CCDC124: variants seen among roughly 807,000 people sequenced by gnomAD.
CCDC124 encodes coiled-coil domain-containing protein 124.
A neutral mutation model predicts 19.8 loss-of-function variants in CCDC124; 9 were observed. That is an observed-to-expected ratio of 0.45 (90% CI 0.27 to 0.79). The LOEUF is 0.79. Among genes scored for constraint, CCDC124 ranks in the 30% least tolerant of loss-of-function variants. The pLI is 0.14. For synonymous variants in CCDC124, 126 were observed against 131.3 expected (o/e 0.96, Z 0.27); for missense variants, 285 against 319.0 (o/e 0.89, Z 0.81).
At position 17,938,889 on chromosome 19, in the gene CCDC124, A is replaced by C. The variant is rs570215628; in HGVS notation, c.159+2310A>C. On this transcript the variant is annotated intron_variant, in intron 2 of 4. Coordinates refer to ENST00000445755, the MANE Select transcript of CCDC124 (RefSeq NM_001136203.2). ...TGGGATTACAGGCATGAGCCACTGC[A>C]CCTGGCCTCCCATTGTCTTTCTGTG... Among the ~76,000 whole-genome samples the C allele has an allele frequency of 4.6e-5, 7 of 152,104 alleles. No homozygotes were observed. In the East Asian group the frequency reaches 1.4e-3, roughly 29 times the overall value.
chr19:17,937,847 C>T (rs898403539), intron 2 of CCDC124, among the ~76,000 whole-genome samples: 7 of 152,138 alleles, frequency 4.6e-5, no homozygotes, highest in Non-Finnish European at 8.8e-5. Context: ...GATTCTCCTG[C>T]CTCAGCCTCC....
intron 2 of CCDC124, chr19:17,937,083 C>G (rs1183696510): frequency 6.6e-6 from 1 of 151,894 alleles, no homozygotes; most frequent in East Asian, 1.9e-4. Context: ...GAGCTCAAGA[C>G]CAGCCTGGCC....
At chr19:17,933,535 G>A (rs1200055176) in intron 1 of CCDC124, among the ~76,000 whole-genome samples, 2 of 152,140 alleles carry the variant, frequency 1.3e-5, no homozygotes, top group African/African-American at 4.8e-5. Context: ...TGGGCTCCCA[G>A]CTCCTGCCAT....
At chr19:17,939,232 T>A (rs1467862558) in intron 2 of CCDC124, among the ~76,000 whole-genome samples, 2 of 151,816 alleles carry the variant, frequency 1.3e-5, no homozygotes, top group Non-Finnish European at 2.9e-5. Context: ...CCATCTCTGC[T>A]AAAAATAAAA....
chr19:17,934,068 A>C (rs2031006488), intron 1 of CCDC124, among the ~76,000 whole-genome samples: 1 of 149,044 alleles, frequency 6.7e-6, no homozygotes, highest in Admixed American at 6.6e-5. Context: ...TCACACCTGT[A>C]ATCCAGGCAC....
rs866892969 is a variant in CCDC124 at position 17,943,305 on chromosome 19, G to A, written c.394G>A (p.Val132Met). The stretch of plus-strand genomic sequence containing the variant: ...TCTGGAGGTGCCGCTGGAGGAGAAC[G>A]TGAACCGCCGCGTGCTGGAGGAGGG... ...SHLEVPLEEN[V>M]NRRVLEEGSV... Residue 132 changes from valine to methionine, a missense_variant, in exon 4 of 5, where the codon GTG becomes ATG. Physicochemically the swap from Val to Met is conservative, Grantham distance 21. Coordinates refer to ENST00000445755, the MANE Select transcript of CCDC124 (RefSeq NM_001136203.2). 6.7e-7 allele frequency: 1 copy of A among 1,499,290 alleles called. No homozygotes were observed. The allele number at this position is 1,499,290 out of a possible 1,614,324, so 92.9% of individuals were successfully genotyped here.
Position 17,943,241 on chromosome 19 carries a change from T to TCTGGGCCCCC in CCDC124, c.350-19_350-18insTGGGCCCCCC. 1.4e-6 allele frequency: 1 copy of TCTGGGCCCCC among 736,676 alleles called. No homozygotes were observed. Among genetic ancestry groups the TCTGGGCCCCC allele is most frequent in the Non-Finnish European group, 2.4e-6 (1 of 414,968 alleles). 45.6% of individuals were successfully genotyped at this position (736,676 alleles called of 1,614,324 possible). A position where few individuals can be genotyped will look rare whatever the true frequency, so the allele number is the denominator to read the frequency against. On this transcript the variant is annotated intron_variant, in intron 3 of 4. Transcript: ENST00000445755. ...CTTTGCTTATCTCTCTCTGTCTCTGTCACCCACCCACCCGCCCAGCCGAGA... is the reference window on the plus strand; with the variant it reads ...CTTTGCTTATCTCTCTCTGTCTCTGTCTGGGCCCCCCACCCACCCACCCGCCCAGCCGAGA...
At chr19:17,938,344 T>G (rs2031105922) in intron 2 of CCDC124, among the ~76,000 whole-genome samples, 1 of 152,122 alleles carries the variant, frequency 6.6e-6, no homozygotes, top group African/African-American at 2.4e-5. Context: ...TGACTCAAGA[T>G]GAATCAAAAA....
At chr19:17,940,998 G>A (rs1358342330) in intron 2 of CCDC124, among the ~76,000 whole-genome samples, 1 of 152,008 alleles carries the variant, frequency 6.6e-6, no homozygotes, top group East Asian at 1.9e-4. Flanking sequence ...AGTGAGCCGA[G>A]ATGGCGCCAC....
chr19:17,937,165 C>T (rs2031084941), intron 2 of CCDC124, among the ~76,000 whole-genome samples: 1 of 151,856 alleles, frequency 6.6e-6, no homozygotes, highest in Non-Finnish European at 1.5e-5. Flanking sequence ...CCTGTAATCC[C>T]AGCTACTCGG....
chr19:17,941,466 C>T (rs975638061), intron 2 of CCDC124, among the ~76,000 whole-genome samples: 3 of 150,128 alleles, frequency 2.0e-5, no homozygotes, highest in South Asian at 4.2e-4. Context: ...GAGCCGAGAT[C>T]GCACCACTGC....
At position 17,943,746 on chromosome 19, in the gene CCDC124, G is replaced by T. The variant is rs1014009666; in HGVS notation, c.*31G>T. ...GAACTTGGGGAGCCAGTTCACCCAC[G>T]GGTGGTCCAGGTCACGACTCTGCAC... On this transcript the variant is annotated 3_prime_UTR_variant, in exon 5 of 5. Coordinates refer to ENST00000445755, the MANE Select transcript of CCDC124 (RefSeq NM_001136203.2). 3 of 1,600,066 alleles carry T rather than the reference G, an allele frequency of 1.9e-6. No individual in the cohort carries two copies. Among genetic ancestry groups the T allele is most frequent in the Non-Finnish European group, 1.7e-6 (2 of 1,171,638 alleles).
At chr19:17,943,475 C>T (rs779832360) in intron 4 of CCDC124, 33 bp from the exon 5 acceptor site, 11 of 1,600,832 alleles carry the variant, frequency 6.9e-6, no homozygotes, top group South Asian at 3.3e-5. Context: ...AAGGCTGCGC[C>T]CAAGGCCCCC....
In CCDC124 at chr19:17,943,930, G is replaced by C. The variant is rs931259487; in HGVS notation, c.*215G>C. ...CCCTCCCATCCCCCGGCGCGTGTGT[G>C]TAGAGCCTCAGGGCTGAGTGCCCAA... On this transcript the variant is annotated 3_prime_UTR_variant, in exon 5 of 5. Transcript: ENST00000445755. The C allele has an allele frequency of 5.0e-6, 3 of 595,424 alleles. No individual in the cohort carries two copies. In the African/African-American group the frequency reaches 5.6e-5, roughly 11 times the overall value. 36.9% of individuals were successfully genotyped at this position (595,424 alleles called of 1,614,324 possible). A position where few individuals can be genotyped will look rare whatever the true frequency, so the allele number is the denominator to read the frequency against.
rs1356758266 is a variant in CCDC124, at chr19:17,942,246, G to A, written c.160-410G>A. Among the ~76,000 whole-genome samples the A allele has an allele frequency of 6.6e-6, 1 of 151,940 alleles. No individual in the cohort carries two copies. The highest frequency in any genetic ancestry group is 2.4e-5 in the African/African-American group (1 of 41,358). On this transcript the variant is annotated intron_variant, in intron 2 of 4. Transcript: ENST00000445755. This position sits in a 1 kb window ranked among gnomAD's most constrained non-coding sequence, Gnocchi z 4.2. Reference sequence around the variant, plus strand: ...CCCCTCCCTGGCCCCCAGAGGCTCCGCATGGCCCAGCCGTCTCCCTCCCGG... The same window carrying A: ...CCCCTCCCTGGCCCCCAGAGGCTCCACATGGCCCAGCCGTCTCCCTCCCGG...
rs1390729773 is a variant in CCDC124, at chr19:17,943,317, G to A, written c.406G>A (p.Val136Met). The A allele has an allele frequency of 3.0e-6, 4 of 1,339,216 alleles. No homozygotes were observed. The highest frequency in any genetic ancestry group is 2.3e-5 in the South Asian group (2 of 85,358). The allele number at this position is 1,339,216 out of a possible 1,614,324, so 83.0% of individuals were successfully genotyped here. A position where few individuals can be genotyped will look rare whatever the true frequency, so the allele number is the denominator to read the frequency against. The change falls in exon 4 of 5, where the codon GTG becomes ATG. Residue 136 changes from valine (V) to methionine (M), a missense_variant. By Grantham distance (21) the Val-to-Met change is conservative (BLOSUM62 1). Transcript: ENST00000445755. Reference sequence around the variant, plus strand: ...GCTGGAGGAGAACGTGAACCGCCGCGTGCTGGAGGAGGGCAGCGTGGAGGC... The same window carrying A: ...GCTGGAGGAGAACGTGAACCGCCGCATGCTGGAGGAGGGCAGCGTGGAGGC... ...VPLEENVNRR[V>M]LEEGSVEART...
chr19:17,933,723 TC>T (rs2147777079), intron 1 of CCDC124, among the ~76,000 whole-genome samples: 1 of 152,252 alleles, frequency 6.6e-6, no homozygotes, highest in South Asian at 2.1e-4. Flanking sequence ...TTCAGACTTT[TC>T]CTTAGATGTC....
At chr19:17,936,982 A>G (rs1348381521) in intron 2 of CCDC124, 9 of 152,036 alleles carry the variant, frequency 5.9e-5, no homozygotes, top group African/African-American at 2.2e-4. Context: ...CTCAAAAAAA[A>G]AAAAAAAAAA....
intron 2 of CCDC124, chr19:17,937,005 G>A (rs1599963028): frequency 6.5e-6 from 1 of 153,090 alleles, no homozygotes; most frequent in African/African-American, 2.4e-5. Flanking sequence ...AAGAGGCTGG[G>A]CAGAGTGCCT....
Sources: gnomAD v4.1 joint callset for allele counts (sites outside exome capture counted in the v4.1 genomes callset) on GRCh38, gnomAD v4.1.1 for gene constraint, Gnocchi (gnomAD v3.1) non-coding constraint, MANE v1.5 for transcripts, NCBI Gene and HGNC (gene_info 2026-07-23, HGNC 2026-07-21) for gene names.